The following ZZEF1 variants were observed in gnomAD, a reference collection of about 807,000 sequenced individuals.
The protein encoded by ZZEF1 is zinc finger ZZ-type and EF-hand domain-containing protein 1.
In ZZEF1, 157 loss-of-function variants were observed where a neutral mutation model predicts 342.8. That is an observed-to-expected ratio of 0.46 (90% CI 0.40 to 0.52). The LOEUF (loss-of-function observed/expected upper bound fraction) is 0.52, where lower values mean the gene tolerates loss of function less well. Ranked by LOEUF, ZZEF1 falls within the 20% of genes least tolerant of loss-of-function variation. The pLI, the probability that ZZEF1 is intolerant of heterozygous loss-of-function variation, is 0.00. For synonymous variants in ZZEF1, 1,505 were observed against 1,429.1 expected, an observed-to-expected ratio of 1.05 and a Z score of -1.20; for missense variants, 3,480 against 3,725.6, an observed-to-expected ratio of 0.93 and a Z score of 1.72.
rs1195745385 is a variant in ZZEF1, at chr17:4,070,870, A to C, written c.3889T>G (p.Ser1297Ala). The stretch of plus-strand genomic sequence containing the variant: ...CCACAGAAGTTCTGAGCAGGCTCTG[A>C]CTGGGCAAAATCAAGAAGAAAATGG... ...CRHFLLDFAQ[S>A]EPAQNFCGPY... is the part of the protein sequence containing the mutation. The change falls in exon 26 of 55, where the codon TCA (serine) becomes GCA (alanine). Residue 1297 changes from serine to alanine, a missense_variant. Ser to Ala is a moderately conservative substitution (Grantham distance 99). This residue lies in a region of ZZEF1 where 1,528 missense variants were observed against 1,624.1 expected (regional missense o/e 0.94). Transcript: ENST00000381638. 6.2e-7 allele frequency: 1 copy of C among 1,614,170 alleles called. No homozygotes were observed. Among genetic ancestry groups the C allele is most frequent in the Admixed American group, 1.7e-5 (1 of 60,020 alleles).
chr17:4,101,585 A>C (rs1313509730), intron 9 of ZZEF1, among the ~76,000 whole-genome samples: 4 of 152,172 alleles, frequency 2.6e-5, no homozygotes, highest in African/African-American at 9.7e-5. Context: ...TCCTCTAGAC[A>C]CGCAAATACT....
At chr17:4,054,018 T>C (rs778176715) in intron 34 of ZZEF1, 39 bp downstream of exon 34, 23 of 1,569,638 alleles carry the variant, frequency 1.5e-5, no homozygotes, top group South Asian at 1.2e-4. Flanking sequence ...AGAAGTGATA[T>C]TGCCTTTGGA....
rs1219201708 is a variant in ZZEF1, at chr17:4,009,671, G to A, written c.8666C>T (p.Pro2889Leu). The change falls in exon 53 of 55, where the codon CCC becomes CTC. Residue 2889 changes from proline to leucine, a missense_variant. Physicochemically the swap from Pro to Leu is moderately conservative, Grantham distance 98. Transcript: ENST00000381638. ...EYGLFEDVTQ[P>L]GILLPLHRAL... is the part of the protein sequence containing the mutation. ...ACGATGCAGGGGAAGGAGGATGCCGGGCTGCGTCACGTCCTCAAACAGGCC... is the reference window on the plus strand; with the variant it reads ...ACGATGCAGGGGAAGGAGGATGCCGAGCTGCGTCACGTCCTCAAACAGGCC... The A allele has an allele frequency of 1.2e-6, 2 of 1,614,064 alleles. No individual in the cohort carries two copies. Among genetic ancestry groups the A allele is most frequent in the Non-Finnish European group, 1.7e-6 (2 of 1,180,014 alleles).
At chr17:4,018,764 C>CT (rs1010947922) in intron 46 of ZZEF1, among the ~76,000 whole-genome samples, 1 of 152,142 alleles carries the variant, frequency 6.6e-6, no homozygotes, top group African/African-American at 2.4e-5. Flanking sequence ...GCTGATGCCC[C>CT]TGGGTTCTGG....
At position 4,016,225 on chromosome 17, in the gene ZZEF1, CCACAGAGGGGCTGAG is replaced by C; in HGVS notation, c.8145+83_8145+97del. 6.9e-7 allele frequency: 1 copy of C among 1,439,890 alleles called. No individual in the cohort carries two copies. The highest frequency in any genetic ancestry group is 9.4e-7 in the Non-Finnish European group (1 of 1,067,754). The allele number at this position is 1,439,890 out of a possible 1,614,324, so 89.2% of individuals were successfully genotyped here. ...GTCTCTGCTGTCCAGCGGGAGAGAGCCACAGAGGGGCTGAGCATGGAGGGGCTGAGCACGGAGGGG... is the reference window on the plus strand; with the variant it reads ...GTCTCTGCTGTCCAGCGGGAGAGAGCCATGGAGGGGCTGAGCACGGAGGGG... On this transcript the variant is annotated intron_variant, in intron 49 of 54. Transcript: ENST00000381638. This position sits in a 1 kb window ranked among gnomAD's most constrained non-coding sequence, Gnocchi z 4.4.
At chr17:4,031,123 T>C (rs976411576) in intron 42 of ZZEF1, among the ~76,000 whole-genome samples, 24 of 152,124 alleles carry the variant, frequency 1.6e-4, no homozygotes, top group African/African-American at 5.8e-4. Context: ...GAGACCAGCC[T>C]GGCCAATAGG....
rs902987828 is a variant in ZZEF1 at position 4,017,052 on chromosome 17, T to C, written c.8001+319A>G. 2 of 283,112 alleles carry C rather than the reference T, an allele frequency of 7.1e-6. No homozygotes were observed. Among genetic ancestry groups the C allele is most frequent in the Admixed American group, 4.8e-5 (1 of 20,852 alleles). 17.5% of individuals were successfully genotyped at this position (283,112 alleles called of 1,614,324 possible). ...CAAATGAACTTCCTCATGGACTGCG[T>C]GTGTGTGTGTGAAGGTGGGTGAGGG... On this transcript the variant is annotated intron_variant, in intron 48 of 54. Transcript: ENST00000381638. This position sits in a 1 kb window ranked among gnomAD's most constrained non-coding sequence, Gnocchi z 5.1.
At chr17:4,034,317 G>C in intron 39 of ZZEF1, 25 bp from the exon 40 acceptor site, 1 of 1,611,736 alleles carries the variant, frequency 6.2e-7, no homozygotes, top group Non-Finnish European at 8.5e-7. Flanking sequence ...AGAGAAATCT[G>C]TTCAGTACAA....
chr17:4,105,861 G>T, intron 6 of ZZEF1, 52 bp from the exon 7 acceptor site: 2 of 1,450,842 alleles, frequency 1.4e-6, no homozygotes, highest in South Asian at 1.2e-5. Context: ...ACCGAATTTA[G>T]ACAAAAAATA....
chr17:4,115,762 A>G (rs1021004013), intron 3 of ZZEF1, among the ~76,000 whole-genome samples: 4 of 152,212 alleles, frequency 2.6e-5, no homozygotes, highest in African/African-American at 9.7e-5. Context: ...TGTATCTGTA[A>G]TATGTTATAA....
rs769707887 is a variant in ZZEF1 at position 4,086,664 on chromosome 17, A to C, written c.2343-9T>G. On this transcript the variant is annotated splice_polypyrimidine_tract_variant and intron_variant, in intron 14 of 54. Transcript: ENST00000381638. ...CGCATTCTTCCCTCGGGCTACAGAA[A>C]GACAAAAAACATCAGAGAGCAAAAG... 6.2e-7 allele frequency: 1 copy of C among 1,613,308 alleles called. No homozygotes were observed. The highest frequency in any genetic ancestry group is 2.2e-5 in the East Asian group (1 of 44,886).
At chr17:4,032,479 C>G (rs184619028) in intron 41 of ZZEF1, among the ~76,000 whole-genome samples, 16 of 152,254 alleles carry the variant, frequency 1.1e-4, no homozygotes, top group African/African-American at 3.6e-4. Context: ...CCCCCTTTGT[C>G]CTAATCAGTT....
intron 23 of ZZEF1, among the ~76,000 whole-genome samples, chr17:4,074,663 G>A (rs1483097498): frequency 6.6e-6 from 1 of 152,144 alleles, no homozygotes; most frequent in Non-Finnish European, 1.5e-5. Context: ...ACTGACCATG[G>A]AGAGAAGGTC....
intron 39 of ZZEF1, among the ~76,000 whole-genome samples, chr17:4,038,835 AC>A (rs1813715852): frequency 6.6e-6 from 1 of 151,718 alleles, no homozygotes; most frequent in Non-Finnish European, 1.5e-5. Flanking sequence ...AAACAAACAA[AC>A]AAAAAACCAC....
intron 43 of ZZEF1, among the ~76,000 whole-genome samples, chr17:4,023,104 C>T (rs1317005802): frequency 6.6e-6 from 1 of 152,172 alleles, no homozygotes; most frequent in Non-Finnish European, 1.5e-5. Flanking sequence ...CTGCATTATT[C>T]TAAAGCCTGG....
intron 1 of ZZEF1, among the ~76,000 whole-genome samples, chr17:4,131,207 TC>T (rs2058657666): frequency 6.6e-6 from 1 of 151,852 alleles, no homozygotes; most frequent in East Asian, 1.9e-4. Context: ...AGAAAATGAA[TC>T]CCCAGGATGA....
In ZZEF1 at chr17:4,114,317, G is replaced by A. The variant is rs1385934049; in HGVS notation, c.848C>T (p.Ala283Val). ...TSSYWQSDGS[A>V]CSHWIRLKMK... ...CACCCACCGAATCCAGTGTGAACAG[G>A]CACTGCCATCTGACTGCCAGTAGGA... Residue 283 changes from alanine (A) to valine (V), a missense_variant, in exon 4 of 55, where the codon GCC (alanine) becomes GTC (valine). Coordinates refer to ENST00000381638, the MANE Select transcript of ZZEF1 (RefSeq NM_015113.4). 1 of 1,604,250 alleles carries A rather than the reference G, an allele frequency of 6.2e-7. No homozygotes were observed. Among genetic ancestry groups the A allele is most frequent in the Non-Finnish European group, 8.5e-7 (1 of 1,176,070 alleles).
rs765668581 is a variant in ZZEF1, at chr17:4,105,803, C to T, written c.1284G>A (p.Ala428=). The T allele has an allele frequency of 1.1e-5, 17 of 1,602,696 alleles. No individual in the cohort carries two copies. The highest frequency in any genetic ancestry group is 7.9e-5 in the South Asian group (7 of 88,950). Residue 428 remains alanine, a synonymous_variant, in exon 7 of 55, where the codon GCG becomes GCA. Transcript: ENST00000381638. ...GAGAGAGTGGAGGCATGTGCCGCAG[C>T]GCCTTCCTAGAAGAGGAAAATGTAA... is the stretch of plus-strand genomic sequence containing the variant. ...VQTVLHNTQK[A]LRHMPPLSLS...
intron 1 of ZZEF1, among the ~76,000 whole-genome samples, chr17:4,132,515 G>A (rs62071047): frequency 0.15 from 22,416 of 149,894 alleles, 1,857 homozygotes; most frequent in African/African-American, 0.21. Context: ...TGGCTAACAC[G>A]GTGAAACCCC....
Sources: allele counts gnomAD v4.1 joint callset (sites outside exome capture counted in the v4.1 genomes callset), GRCh38; gene constraint gnomAD v4.1.1; regional missense constraint gnomAD v4.1.1; non-coding constraint Gnocchi (gnomAD v3.1); transcripts MANE v1.5; gene names NCBI Gene and HGNC (gene_info 2026-07-23, HGNC 2026-07-21).